The following AATF variants were observed in gnomAD, a reference collection of about 807,000 sequenced individuals.
The protein encoded by AATF is protein AATF.
Under a neutral mutation model 63.7 loss-of-function variants are expected in AATF, and 48 were observed. The ratio of observed to expected loss-of-function variants is 0.75; its 90% CI spans 0.60 to 0.96. The LOEUF (loss-of-function observed/expected upper bound fraction) is 0.96. Ranked by LOEUF, AATF falls within the 40% of genes least tolerant of loss-of-function variation. The pLI is 0.00. For synonymous variants in AATF, 258 were observed against 247.7 expected (o/e 1.04, Z -0.39); for missense variants, 639 against 685.7 (o/e 0.93, Z 0.76).
At chr17:37,023,127 C>T (rs1162043262) in intron 10 of AATF, among the ~76,000 whole-genome samples, 1 of 152,172 alleles carries the variant, frequency 6.6e-6, no homozygotes, top group Non-Finnish European at 1.5e-5. Context: ...GACTTGCGTT[C>T]AAACCCTGAC....
chr17:37,009,824 A>C (rs2071373539), intron 8 of AATF, among the ~76,000 whole-genome samples: 1 of 86,640 alleles, frequency 1.2e-5, no homozygotes, highest in African/African-American at 8.4e-5. Context: ...ACTCCGTCTC[A>C]AAAAAAAAAA....
rs781439292 is a variant in AATF at position 37,019,065 on chromosome 17, A to G, written c.1459A>G (p.Met487Val). 1.2e-6 allele frequency: 2 copies of G among 1,613,964 alleles called. No homozygotes were observed. Among genetic ancestry groups the G allele is most frequent in the South Asian group, 2.2e-5 (2 of 91,090 alleles). Residue 487 changes from methionine to valine, a missense_variant, in exon 9 of 12, where the codon ATG (methionine) becomes GTG (valine). Physicochemically the swap from Met to Val is conservative, Grantham distance 21. Coordinates refer to ENST00000619387, the MANE Select transcript of AATF (RefSeq NM_012138.4). ...SSLDPNDQVA[M>V]GRQWLAIQKL... Reference sequence around the variant, plus strand: ...CTTGGATCCCAACGATCAGGTGGCCATGGGAAGGTAATTTAGATACAGCTT... The same window carrying G: ...CTTGGATCCCAACGATCAGGTGGCCGTGGGAAGGTAATTTAGATACAGCTT...
At chr17:36,979,850 A>G (rs1158858323) in intron 4 of AATF, among the ~76,000 whole-genome samples, 1 of 152,146 alleles carries the variant, frequency 6.6e-6, no homozygotes, top group Non-Finnish European at 1.5e-5. Context: ...TGAATCAGGG[A>G]AAAAAATAAA....
intron 11 of AATF, chr17:37,055,584 G>C (rs1411659173): frequency 6.6e-6 from 1 of 152,218 alleles, no homozygotes; most frequent in East Asian, 1.9e-4. Context: ...TCCATCTTGA[G>C]AATATCCGAG....
At chr17:37,010,824 AG>A (rs1333448886) in intron 8 of AATF, among the ~76,000 whole-genome samples, 19 of 152,204 alleles carry the variant, frequency 1.2e-4, no homozygotes, top group Non-Finnish European at 1.3e-4. Context: ...GGGCCCACGG[AG>A]CATTTCACGT....
At chr17:36,977,474 TG>T (rs1044637289) in intron 4 of AATF, among the ~76,000 whole-genome samples, 1 of 152,000 alleles carries the variant, frequency 6.6e-6, no homozygotes, top group Non-Finnish European at 1.5e-5. Context: ...CAGCAGAGGC[TG>T]TTTTTTTTTT....
At chr17:37,027,101 C>A (rs1186050214) in intron 10 of AATF, among the ~76,000 whole-genome samples, 1 of 152,072 alleles carries the variant, frequency 6.6e-6, no homozygotes, top group African/African-American at 2.4e-5. Context: ...CCTGGTCAGA[C>A]TTGCTAATTG....
chr17:36,993,274 C>G (rs1280423009), intron 8 of AATF, among the ~76,000 whole-genome samples: 1 of 152,220 alleles, frequency 6.6e-6, no homozygotes, highest in Non-Finnish European at 1.5e-5. Flanking sequence ...CATTCCCCTT[C>G]TTCTTCCCAC....
Position 36,953,158 on chromosome 17 carries a change from G to T in AATF, c.556G>T (p.Ala186Ser), listed in dbSNP as rs746677629. Reference protein sequence around the residue: ...EESGMEEGDDAEDSQGESEED... With the variant: ...EESGMEEGDDSEDSQGESEED... The stretch of plus-strand genomic sequence containing the variant: ...GAGTGGCATGGAAGAAGGGGATGAC[G>T]CGGAAGACTCCCAAGGCGAGAGTGA... The change falls in exon 3 of 12, where the codon GCG becomes TCG. Residue 186 changes from alanine (A) to serine (S), a missense_variant. Ala to Ser is a moderately conservative substitution (Grantham distance 99, BLOSUM62 1). Transcript: ENST00000619387. 2 of 1,614,038 alleles carry T rather than the reference G, an allele frequency of 1.2e-6. No homozygotes were observed. Among genetic ancestry groups the T allele is most frequent in the African/African-American group, 1.3e-5 (1 of 74,904 alleles).
At chr17:37,007,292 A>G (rs908868057) in intron 8 of AATF, among the ~76,000 whole-genome samples, 2 of 151,306 alleles carry the variant, frequency 1.3e-5, no homozygotes, top group African/African-American at 4.9e-5. Flanking sequence ...TGTTCAAGCT[A>G]TCTTTCCACC....
At chr17:37,053,261 T>C (rs1197347000) in intron 11 of AATF, among the ~76,000 whole-genome samples, 1 of 152,060 alleles carries the variant, frequency 6.6e-6, no homozygotes, top group East Asian at 1.9e-4. Flanking sequence ...CATGTATGAA[T>C]ACTAAATTTT....
intron 8 of AATF, among the ~76,000 whole-genome samples, chr17:37,013,018 T>G (rs375764896): frequency 6.6e-6 from 1 of 152,192 alleles, no homozygotes; most frequent in Non-Finnish European, 1.5e-5. Flanking sequence ...TTAAAAACTT[T>G]CCTGCCTCAA....
intron 10 of AATF, among the ~76,000 whole-genome samples, chr17:37,026,360 A>G (rs922352045): frequency 6.6e-6 from 1 of 152,226 alleles, no homozygotes; most frequent in Non-Finnish European, 1.5e-5. Context: ...TCATCTTGAG[A>G]CCATAAATGT....
chr17:36,973,327 A>G (rs1275871970), intron 4 of AATF, among the ~76,000 whole-genome samples: 1 of 152,200 alleles, frequency 6.6e-6, no homozygotes, highest in African/African-American at 2.4e-5. Flanking sequence ...CAGTCACACA[A>G]TTGGTGAGAG....
intron 4 of AATF, among the ~76,000 whole-genome samples, chr17:36,969,972 T>C (rs1203635825): frequency 1.3e-5 from 2 of 152,262 alleles, no homozygotes; most frequent in African/African-American, 2.4e-5. Flanking sequence ...TATTTTTTCT[T>C]GTGTCAGTAG....
At chr17:37,002,883 C>G (rs1004261300) in intron 8 of AATF, among the ~76,000 whole-genome samples, 9 of 150,162 alleles carry the variant, frequency 6.0e-5, no homozygotes, top group Admixed American at 4.0e-4. Flanking sequence ...AAAACAATCC[C>G]TATCAACATT....
intron 8 of AATF, among the ~76,000 whole-genome samples, chr17:36,998,347 G>A (rs2071270242): frequency 6.6e-6 from 1 of 152,170 alleles, no homozygotes; most frequent in Non-Finnish European, 1.5e-5. Flanking sequence ...GGAGCCTGAA[G>A]GAAGTACATG....
At chr17:36,993,722 T>C (rs1300195477) in intron 8 of AATF, among the ~76,000 whole-genome samples, 3 of 152,166 alleles carry the variant, frequency 2.0e-5, no homozygotes. Context: ...TTTAAAACCA[T>C]ACTTGAAGCC....
rs1355316441 is a variant in AATF at position 36,976,019 on chromosome 17, G to A, written c.833-10598G>A. 2.0e-5 allele frequency among the ~76,000 whole-genome samples: 3 copies of A among 152,162 alleles called. No homozygotes were observed. The South Asian group carries it at 6.2e-4, about 32-fold the overall frequency. ...TGGACCTGCTTTCCATCCATGTGAT[G>A]TGGGCTTCCTTTAGTGTCTCCACTG... is the stretch of plus-strand genomic sequence containing the variant. On this transcript the variant is annotated intron_variant, in intron 4 of 11. Coordinates refer to ENST00000619387, the MANE Select transcript of AATF (RefSeq NM_012138.4).
Sources: gnomAD v4.1 joint callset for allele counts (sites outside exome capture counted in the v4.1 genomes callset) on GRCh38, gnomAD v4.1.1 for gene constraint, MANE v1.5 for transcripts, NCBI Gene and HGNC (gene_info 2026-07-23, HGNC 2026-07-21) for gene names.